The following SEMA3A variants were observed in gnomAD, a reference collection of about 807,000 sequenced individuals.
SEMA3A encodes semaphorin-3A.
SEMA3A carries 29 observed loss-of-function variants against 97.9 expected under a neutral mutation model. That is an observed-to-expected ratio of 0.30 (90% CI 0.22 to 0.40). The LOEUF is 0.40. Ranked by LOEUF, SEMA3A falls within the 10% of genes least tolerant of loss-of-function variation. SEMA3A has a pLI of 1.00. For synonymous variants in SEMA3A, 321 were observed against 323.7 expected (o/e 0.99, Z 0.09); for missense variants, 763 against 951.3 (o/e 0.80, Z 2.60).
intron 3 of SEMA3A, among the ~76,000 whole-genome samples, chr7:84,270,363 A>G (rs1349448000): frequency 2.0e-5 from 3 of 151,994 alleles, no homozygotes; most frequent in South Asian, 4.1e-4. Context: ...GCAAGAGAAT[A>G]CAAGTGAAGG....
intron 3 of SEMA3A, among the ~76,000 whole-genome samples, chr7:84,121,341 C>T (rs919077031): frequency 1.8e-4 from 27 of 151,796 alleles, no homozygotes; most frequent in Non-Finnish European, 3.8e-4. Context: ...GGTATATCTC[C>T]TAATGTTATC....
At chr7:84,022,743 A>C (rs1791373434) in intron 6 of SEMA3A, among the ~76,000 whole-genome samples, 1 of 152,260 alleles carries the variant, frequency 6.6e-6, no homozygotes, top group African/African-American at 2.4e-5. Flanking sequence ...TAAAACTGCA[A>C]TGTAAACACT....
intron 2 of SEMA3A, among the ~76,000 whole-genome samples, chr7:84,318,143 A>G (rs1259644271): frequency 6.6e-6 from 1 of 151,992 alleles, no homozygotes; most frequent in Non-Finnish European, 1.5e-5. Flanking sequence ...AAATAAAAAT[A>G]TACATTTTTA....
chr7:84,282,759 A>T (rs1800474340), intron 3 of SEMA3A, among the ~76,000 whole-genome samples: 1 of 152,170 alleles, frequency 6.6e-6, no homozygotes, highest in Non-Finnish European at 1.5e-5. Context: ...CATGCCTGTA[A>T]TCCCAGCACT....
intron 6 of SEMA3A, among the ~76,000 whole-genome samples, chr7:84,045,470 A>T (rs1792312375): frequency 1.3e-5 from 2 of 151,844 alleles, no homozygotes; most frequent in African/African-American, 4.8e-5. Flanking sequence ...TGATTAATAT[A>T]GTAGGGACCT....
chr7:84,365,232 A>T (rs2116079869), intron 2 of SEMA3A, among the ~76,000 whole-genome samples: 1 of 151,718 alleles, frequency 6.6e-6, no homozygotes, highest in Non-Finnish European at 1.5e-5. Context: ...AGAGAACATT[A>T]TCTTACCCAG....
intron 3 of SEMA3A, among the ~76,000 whole-genome samples, chr7:84,291,967 G>T (rs920699993): frequency 2.6e-5 from 4 of 152,124 alleles, no homozygotes; most frequent in African/African-American, 9.7e-5. Context: ...GGTAGGCATT[G>T]ATCTCTGCCA....
At chr7:84,089,197 CA>C (rs1794484707) in intron 4 of SEMA3A, among the ~76,000 whole-genome samples, 1 of 152,114 alleles carries the variant, frequency 6.6e-6, no homozygotes, top group African/African-American at 2.4e-5. Context: ...ATAGAAATCT[CA>C]AAATCTCACT....
intron 4 of SEMA3A, among the ~76,000 whole-genome samples, chr7:84,071,123 A>C (rs986286736): frequency 3.3e-5 from 5 of 152,146 alleles, no homozygotes; most frequent in Non-Finnish European, 7.4e-5. Context: ...CACACATTGC[A>C]TGTGGTTATT....
At chr7:83,995,736 GCTTT>G (rs1790190346) in intron 12 of SEMA3A, among the ~76,000 whole-genome samples, 1 of 151,972 alleles carries the variant, frequency 6.6e-6, no homozygotes, top group African/African-American at 2.4e-5. Flanking sequence ...TCTTTTCAAG[GCTTT>G]CTATGTTCCA....
At chr7:84,312,888 A>G (rs1369878480) in intron 2 of SEMA3A, among the ~76,000 whole-genome samples, 2 of 41,492 alleles carry the variant, frequency 4.8e-5, no homozygotes, top group African/African-American at 1.3e-4. Flanking sequence ...ATATATATAT[A>G]TATATATATA....
chr7:84,203,784 G>A (rs1195741927), intron 3 of SEMA3A, among the ~76,000 whole-genome samples: 1 of 151,696 alleles, frequency 6.6e-6, no homozygotes, highest in East Asian at 1.9e-4. Flanking sequence ...AACCGCCCCA[G>A]CCTCCCAAAG....
At chr7:84,163,633 T>C (rs1797111828) in intron 1 of SEMA3A, among the ~76,000 whole-genome samples, 1 of 152,182 alleles carries the variant, frequency 6.6e-6, no homozygotes, top group Non-Finnish European at 1.5e-5. Context: ...TTTTTACATG[T>C]TAAACAATAA....
intron 12 of SEMA3A, among the ~76,000 whole-genome samples, chr7:84,000,905 T>G (rs749981275): frequency 6.6e-6 from 1 of 152,160 alleles, no homozygotes; most frequent in Non-Finnish European, 1.5e-5. Context: ...TTGGGAAAAC[T>G]GCTTACCATT....
In SEMA3A at chr7:84,029,652, C is replaced by T. The variant is rs1231602377; in HGVS notation, c.668-15301G>A. The stretch of plus-strand genomic sequence containing the variant: ...TCCTTTCATAATTTACATTATTATG[C>T]TTTTGAATTACATTAGGTATAAACC... On this transcript the variant is annotated intron_variant, in intron 6 of 16. Transcript: ENST00000265362. Among the ~76,000 whole-genome samples, 3 of 151,998 alleles carry T rather than the reference C, an allele frequency of 2.0e-5. No homozygotes were observed. The South Asian group carries it at 6.2e-4, about 31-fold the overall frequency.
At chr7:84,190,536 G>A (rs756593838) in intron 1 of SEMA3A, among the ~76,000 whole-genome samples, 1 of 151,002 alleles carries the variant, frequency 6.6e-6, no homozygotes, top group Non-Finnish European at 1.5e-5. Flanking sequence ...GAGTGTGTGG[G>A]TATGTCTTCC....
At chr7:84,409,476 T>C (rs1272819844) in intron 1 of SEMA3A, among the ~76,000 whole-genome samples, 1 of 152,082 alleles carries the variant, frequency 6.6e-6, no homozygotes, top group African/African-American at 2.4e-5. Flanking sequence ...GTTACTTCCT[T>C]GGCATTTTAC....
chr7:84,181,628 T>C (rs1051510893), intron 1 of SEMA3A, among the ~76,000 whole-genome samples: 1 of 152,172 alleles, frequency 6.6e-6, no homozygotes, highest in Non-Finnish European at 1.5e-5. Context: ...TTTACATTTA[T>C]TGGACTTTAC....
intron 15 of SEMA3A, among the ~76,000 whole-genome samples, chr7:83,965,104 T>A (rs1788618530): frequency 6.6e-6 from 1 of 151,888 alleles, no homozygotes; most frequent in Non-Finnish European, 1.5e-5. Flanking sequence ...TTTGTATTTT[T>A]TTTTTTTTGT....
Sources: allele counts gnomAD v4.1 joint callset (sites outside exome capture counted in the v4.1 genomes callset), GRCh38; gene constraint gnomAD v4.1.1; transcripts MANE v1.5; gene names NCBI Gene and HGNC (gene_info 2026-07-23, HGNC 2026-07-21).